PTPRM: variants seen among roughly 807,000 people sequenced by gnomAD.
The protein encoded by PTPRM is protein tyrosine phosphatase receptor type M, also known as receptor-type tyrosine-protein phosphatase mu.
PTPRM carries 47 observed loss-of-function variants against 186.7 expected under a neutral mutation model. The observed-to-expected ratio is 0.25, with a 90% CI of 0.20 to 0.32. The LOEUF is 0.32. PTPRM is among the 10% of genes least tolerant of loss of function. PTPRM has a pLI of 1.00. For synonymous variants in PTPRM, 668 were observed against 674.9 expected, an observed-to-expected ratio of 0.99 and a Z score of 0.16; for missense variants, 1,494 against 1,865.0, an observed-to-expected ratio of 0.80 and a Z score of 3.66.
chr18:7,774,314 G>A, intron 2 of PTPRM, 43 bp downstream of exon 2: 10 of 1,601,924 alleles, frequency 6.2e-6, no homozygotes, highest in Non-Finnish European at 8.5e-6. Context: ...AGGAACACAA[G>A]AGTCTCAATC....
intron 7 of PTPRM, among the ~76,000 whole-genome samples, chr18:7,969,327 T>C (rs928511263): frequency 3.6e-5 from 5 of 137,804 alleles, no homozygotes; most frequent in African/African-American, 1.4e-4. Flanking sequence ...GGGAAATTTA[T>C]AGCACTAAAT....
At chr18:8,001,630 A>C (rs185534692) in intron 7 of PTPRM, among the ~76,000 whole-genome samples, 1 of 152,200 alleles carries the variant, frequency 6.6e-6, no homozygotes, top group East Asian at 1.9e-4. Flanking sequence ...AACTAGCAAT[A>C]ATTGTGAAGT....
At chr18:7,622,430 A>G (rs962626720) in intron 1 of PTPRM, among the ~76,000 whole-genome samples, 1 of 152,030 alleles carries the variant, frequency 6.6e-6, no homozygotes, top group Non-Finnish European at 1.5e-5. Context: ...AGGGGTCTAT[A>G]CTGGGTTTTC....
intron 2 of PTPRM, among the ~76,000 whole-genome samples, chr18:7,876,255 A>G (rs2048239717): frequency 1.3e-5 from 2 of 152,218 alleles, no homozygotes; most frequent in Non-Finnish European, 2.9e-5. Flanking sequence ...TTTAAATCAC[A>G]TGTCCAATCA....
chr18:8,077,905 C>T (rs1381922775), intron 9 of PTPRM, among the ~76,000 whole-genome samples: 1 of 152,130 alleles, frequency 6.6e-6, no homozygotes, highest in East Asian at 1.9e-4. Context: ...AACATGAAAA[C>T]AATGGGAATA....
chr18:8,282,518 T>C (rs191138429), intron 19 of PTPRM, among the ~76,000 whole-genome samples: 65 of 152,106 alleles, frequency 4.3e-4, no homozygotes, highest in African/African-American at 1.5e-3. Context: ...AAAAATTAGC[T>C]GGGTGTGGTG....
At chr18:7,767,066 G>A (rs182195199) in intron 1 of PTPRM, among the ~76,000 whole-genome samples, 125 of 152,266 alleles carry the variant, frequency 8.2e-4, no homozygotes, top group African/African-American at 2.9e-3. Flanking sequence ...GTCTGTGTTC[G>A]CAAAATGGTA....
intron 7 of PTPRM, among the ~76,000 whole-genome samples, chr18:8,004,031 G>A (rs868173901): frequency 2.6e-5 from 4 of 152,148 alleles, no homozygotes; most frequent in African/African-American, 7.2e-5. Flanking sequence ...GAAATTCCAC[G>A]TCTCTGAAAG....
chr18:7,965,321 C>T (rs1315855558), intron 7 of PTPRM, among the ~76,000 whole-genome samples: 1 of 152,176 alleles, frequency 6.6e-6, no homozygotes. Context: ...ACTAGGATTA[C>T]ATGCATGTGC....
At chr18:7,680,747 G>A (rs1022070802) in intron 1 of PTPRM, among the ~76,000 whole-genome samples, 2 of 152,166 alleles carry the variant, frequency 1.3e-5, no homozygotes, top group Non-Finnish European at 2.9e-5. Flanking sequence ...CGGCTTCCTG[G>A]TGAAAGTACT....
chr18:7,761,736 G>T (rs114808848), intron 1 of PTPRM, among the ~76,000 whole-genome samples: 1 of 151,990 alleles, frequency 6.6e-6, no homozygotes, highest in Non-Finnish European at 1.5e-5. Context: ...CATCCTGTCC[G>T]TTCTCTTATC....
chr18:8,196,798 T>G (rs540782748), intron 14 of PTPRM, among the ~76,000 whole-genome samples: 1 of 152,322 alleles, frequency 6.6e-6, no homozygotes, highest in African/African-American at 2.4e-5. Flanking sequence ...GGGTTAGAAG[T>G]CACTGTTCTT....
intron 5 of PTPRM, among the ~76,000 whole-genome samples, chr18:7,937,029 A>G (rs1425444554): frequency 6.6e-6 from 1 of 152,242 alleles, no homozygotes; most frequent in Non-Finnish European, 1.5e-5. Flanking sequence ...GCTGACCACT[A>G]TGGGTTTCCT....
At chr18:8,008,237 G>A (rs1313835546) in intron 7 of PTPRM, among the ~76,000 whole-genome samples, 2 of 152,110 alleles carry the variant, frequency 1.3e-5, no homozygotes, top group Non-Finnish European at 2.9e-5. Context: ...TAAAATTGCA[G>A]AGGATCAGCT....
chr18:8,390,879 G>T (rs1245738046), intron 31 of PTPRM, among the ~76,000 whole-genome samples: 1 of 151,798 alleles, frequency 6.6e-6, no homozygotes, highest in African/African-American at 2.4e-5. Context: ...AGTGAGTCAA[G>T]ATCGTGCCAC....
chr18:8,322,643 G>A (rs2095352858), intron 22 of PTPRM, among the ~76,000 whole-genome samples: 2 of 152,188 alleles, frequency 1.3e-5, no homozygotes, highest in South Asian at 4.1e-4. Flanking sequence ...GGGCAGAAGA[G>A]CATGCAAGTG....
At chr18:8,372,404 C>T (rs965865138) in intron 24 of PTPRM, among the ~76,000 whole-genome samples, 6 of 152,088 alleles carry the variant, frequency 3.9e-5, no homozygotes, top group African/African-American at 1.2e-4. Context: ...CATCTAAATG[C>T]GCTTTTTAGA....
At chr18:8,378,052 G>A (rs1054755617) in intron 26 of PTPRM, 21 of 511,998 alleles carry the variant, frequency 4.1e-5, no homozygotes, top group Non-Finnish European at 6.6e-5. Context: ...GCTGCAGTGC[G>A]TGTGGTGGTT....
chr18:8,362,169 TC>T (rs1192086314), intron 23 of PTPRM, among the ~76,000 whole-genome samples: 1 of 152,240 alleles, frequency 6.6e-6, no homozygotes, highest in African/African-American at 2.4e-5. Context: ...TCCTGGGTGA[TC>T]CCCGGCCCCA....
Sources: allele counts gnomAD v4.1 joint callset (sites outside exome capture counted in the v4.1 genomes callset), GRCh38; gene constraint gnomAD v4.1.1; transcripts MANE v1.5; gene names NCBI Gene and HGNC (gene_info 2026-07-23, HGNC 2026-07-21).